Variants in FMN1 observed in about 807,000 individuals in gnomAD.
The protein encoded by FMN1 is formin 1.
Under a neutral mutation model 132.4 loss-of-function variants are expected in FMN1, and 110 were observed. That is an observed-to-expected ratio of 0.83 (90% confidence interval 0.71 to 0.97). FMN1 has a LOEUF of 0.97. Among genes scored for constraint, FMN1 ranks in the 50% least tolerant of loss-of-function variants. FMN1 has a pLI of 0.00. For missense variants in FMN1, 1,792 were observed against 1,705.3 expected, an observed-to-expected ratio of 1.05 and a Z score of -0.90; for synonymous variants, 722 against 651.7, an observed-to-expected ratio of 1.11 and a Z score of -1.64.
chr15:32,896,188 T>C (rs772458359), intron 15 of FMN1, among the ~76,000 whole-genome samples: 8 of 152,048 alleles, frequency 5.3e-5, no homozygotes, highest in Admixed American at 3.3e-4. Flanking sequence ...TTCCTTTTCA[T>C]GTTCTTAAGT....
Position 33,112,108 on chromosome 15 carries a change from A to T in FMN1, c.1868-23134T>A, listed in dbSNP as rs541921926. Among the ~76,000 whole-genome samples, 3 of 152,300 alleles carry T rather than the reference A, an allele frequency of 2.0e-5. No individual in the cohort carries two copies. In the South Asian group the frequency reaches 6.2e-4, roughly 32 times the overall value. ...TATGAAAACAAAAAGCTATATAAAT[A>T]AAGATTTTAACCACAGCATTTTTAT... On this transcript the variant is annotated intron_variant, in intron 4 of 20. Coordinates refer to ENST00000616417, the MANE Select transcript of FMN1 (RefSeq NM_001277313.2).
intron 6 of FMN1, among the ~76,000 whole-genome samples, chr15:33,023,902 C>G (rs1566838534): frequency 6.6e-6 from 1 of 152,078 alleles, no homozygotes; most frequent in Non-Finnish European, 1.5e-5. Context: ...ACAAGAATCA[C>G]TTTTAGTGAT....
chr15:32,897,118 A>C (rs529289733), intron 15 of FMN1, among the ~76,000 whole-genome samples: 16 of 152,292 alleles, frequency 1.1e-4, no homozygotes, highest in Middle Eastern at 3.4e-3. Flanking sequence ...TTTTATTAAC[A>C]GCCATCCTAA....
chr15:33,125,978 A>T (rs1595530785), intron 4 of FMN1, among the ~76,000 whole-genome samples: 1 of 151,126 alleles, frequency 6.6e-6, no homozygotes, highest in Non-Finnish European at 1.5e-5. Flanking sequence ...TAAGTCACTA[A>T]GTTAGGAAAG....
chr15:33,171,641 G>A (rs962770471), intron 3 of FMN1, among the ~76,000 whole-genome samples: 10 of 151,866 alleles, frequency 6.6e-5, no homozygotes, highest in African/African-American at 2.4e-4. Flanking sequence ...ATGAACTATG[G>A]GTTTTTTTTT....
chr15:33,116,166 C>G (rs1056172939), intron 4 of FMN1, among the ~76,000 whole-genome samples: 6 of 152,180 alleles, frequency 3.9e-5, no homozygotes, highest in Non-Finnish European at 7.4e-5. Flanking sequence ...TTACTTAAAT[C>G]CCCATTTATA....
chr15:33,074,587 T>C (rs910690127), intron 5 of FMN1, among the ~76,000 whole-genome samples: 2 of 152,184 alleles, frequency 1.3e-5, no homozygotes, highest in Non-Finnish European at 2.9e-5. Flanking sequence ...ATGGATTGAA[T>C]ATAGATAACA....
intron 14 of FMN1, chr15:32,899,681 T>C: frequency 2.4e-6 from 1 of 410,268 alleles, no homozygotes. Flanking sequence ...TGGTACTGTA[T>C]GCTATCTGTT....
At chr15:33,166,072 G>A (rs1020893356) in intron 3 of FMN1, among the ~76,000 whole-genome samples, 2 of 152,036 alleles carry the variant, frequency 1.3e-5, no homozygotes, top group South Asian at 4.2e-4. Flanking sequence ...TGTTTAAAAC[G>A]TCCACAAAAG....
At chr15:32,854,941 A>G (rs1007339962) in intron 17 of FMN1, among the ~76,000 whole-genome samples, 1 of 151,854 alleles carries the variant, frequency 6.6e-6, no homozygotes, top group Non-Finnish European at 1.5e-5. Flanking sequence ...AACAAACAAA[A>G]AAAAGAGCTC....
intron 16 of FMN1, among the ~76,000 whole-genome samples, chr15:32,875,566 C>CA (rs2141401565): frequency 1.3e-5 from 2 of 152,274 alleles, no homozygotes; most frequent in South Asian, 4.2e-4. Flanking sequence ...GGTAGAGTCA[C>CA]AGTTCATGGC....
At chr15:32,931,391 A>ACTAGT (rs928130887) in intron 9 of FMN1, among the ~76,000 whole-genome samples, 13 of 152,122 alleles carry the variant, frequency 8.5e-5, no homozygotes, top group Non-Finnish European at 1.3e-4. Context: ...AGTTTTCAAA[A>ACTAGT]CTAGTCTGTA....
At chr15:32,798,291 C>T (rs1421398275) in intron 19 of FMN1, among the ~76,000 whole-genome samples, 4 of 151,974 alleles carry the variant, frequency 2.6e-5, no homozygotes, top group East Asian at 1.9e-4. Context: ...CGAGGCTGAG[C>T]GGCACGCAGT....
intron 6 of FMN1, among the ~76,000 whole-genome samples, chr15:33,025,066 A>G (rs1200105663): frequency 1.3e-5 from 2 of 152,172 alleles, no homozygotes; most frequent in African/African-American, 2.4e-5. Flanking sequence ...AGTATAAAAC[A>G]TGGGATTAAT....
At chr15:32,812,368 G>A (rs774017293) in intron 17 of FMN1, among the ~76,000 whole-genome samples, 1 of 152,172 alleles carries the variant, frequency 6.6e-6, no homozygotes, top group East Asian at 1.9e-4. Context: ...TGAAATGCCT[G>A]AGGCCAGAAT....
chr15:32,806,116 T>G (rs1301618004), intron 17 of FMN1, among the ~76,000 whole-genome samples: 1 of 152,222 alleles, frequency 6.6e-6, no homozygotes, highest in African/African-American at 2.4e-5. Flanking sequence ...TATGTTATTA[T>G]GTAACATGTT....
intron 7 of FMN1, among the ~76,000 whole-genome samples, chr15:32,990,720 G>A (rs1206753237): frequency 2.0e-5 from 3 of 152,136 alleles, no homozygotes; most frequent in African/African-American, 4.8e-5. Context: ...AGGTTTAACC[G>A]ACTCACAGTT....
At chr15:32,830,503 A>G (rs772610021) in intron 17 of FMN1, among the ~76,000 whole-genome samples, 1 of 152,212 alleles carries the variant, frequency 6.6e-6, no homozygotes, top group Non-Finnish European at 1.5e-5. Context: ...TATGATCTAA[A>G]TGAGGAGGAA....
At chr15:32,976,909 C>G (rs756012226) in intron 7 of FMN1, among the ~76,000 whole-genome samples, 1 of 152,282 alleles carries the variant, frequency 6.6e-6, no homozygotes, top group East Asian at 1.9e-4. Flanking sequence ...AGGCACTATG[C>G]TAGCCTTCAT....
Sources: gnomAD v4.1 joint callset for allele counts (sites outside exome capture counted in the v4.1 genomes callset) on GRCh38, gnomAD v4.1.1 for gene constraint, MANE v1.5 for transcripts, NCBI Gene and HGNC (gene_info 2026-07-23, HGNC 2026-07-21) for gene names.